Variants in OSBPL8 observed in about 807,000 individuals in gnomAD.
The protein encoded by OSBPL8 is oxysterol-binding protein-related protein 8.
Under a neutral mutation model 125.5 loss-of-function variants are expected in OSBPL8, and 59 were observed. The ratio of observed to expected loss-of-function variants is 0.47; its 90% CI spans 0.38 to 0.58. OSBPL8 has a LOEUF of 0.58. Ranked by LOEUF, OSBPL8 falls within the 20% of genes least tolerant of loss-of-function variation. The pLI is 0.00. For missense variants in OSBPL8, 758 were observed against 1,047.8 expected, an observed-to-expected ratio of 0.72 and a Z score of 3.82; for synonymous variants, 330 against 338.9, an observed-to-expected ratio of 0.97 and a Z score of 0.29.
At chr12:76,534,246 T>C (rs1950428529) in intron 1 of OSBPL8, 1 of 152,236 alleles carries the variant, frequency 6.6e-6, no homozygotes, top group African/African-American at 2.4e-5. Context: ...CAAATGTTCC[T>C]GCAAAAGACT....
intron 15 of OSBPL8, 82 bp from the exon 16 acceptor site, chr12:76,378,632 C>A: frequency 1.1e-6 from 1 of 929,208 alleles, no homozygotes; most frequent in Non-Finnish European, 1.7e-6. Flanking sequence ...AGAACACCTA[C>A]CAGACATCTA....
At chr12:76,431,768 T>C (rs1299201039) in intron 4 of OSBPL8, among the ~76,000 whole-genome samples, 1 of 152,046 alleles carries the variant, frequency 6.6e-6, no homozygotes, top group Non-Finnish European at 1.5e-5. Context: ...TGGAGAGATA[T>C]GAAGAAAGAA....
At chr12:76,418,583 C>A (rs368175228) in intron 4 of OSBPL8, among the ~76,000 whole-genome samples, 1 of 152,160 alleles carries the variant, frequency 6.6e-6, no homozygotes, top group Non-Finnish European at 1.5e-5. Context: ...GTAATCTCAG[C>A]GCTTCGGGAG....
intron 1 of OSBPL8, among the ~76,000 whole-genome samples, chr12:76,498,467 C>G (rs1454936423): frequency 6.6e-6 from 1 of 152,210 alleles, no homozygotes; most frequent in African/African-American, 2.4e-5. Context: ...ATGTTTGCAT[C>G]TGTACTTTCA....
intron 2 of OSBPL8, among the ~76,000 whole-genome samples, chr12:76,470,929 T>G (rs1876060633): frequency 6.6e-6 from 1 of 152,176 alleles, no homozygotes; most frequent in African/African-American, 2.4e-5. Flanking sequence ...GTATCACATA[T>G]TTTTCAATGT....
intron 4 of OSBPL8, among the ~76,000 whole-genome samples, chr12:76,429,657 T>G (rs1870577969): frequency 6.6e-6 from 1 of 152,168 alleles, no homozygotes; most frequent in Admixed American, 6.6e-5. Flanking sequence ...ATGTTCTCAA[T>G]AAATTCAAAC....
At chr12:76,558,413 T>C (rs1470422460) in intron 1 of OSBPL8, among the ~76,000 whole-genome samples, 2 of 152,202 alleles carry the variant, frequency 1.3e-5, no homozygotes, top group Non-Finnish European at 2.9e-5. Context: ...AGGCAAAAAC[T>C]GTTTTAAAGG....
chr12:76,537,169 T>C (rs1300450078), intron 1 of OSBPL8: 1 of 152,294 alleles, frequency 6.6e-6, no homozygotes, highest in African/African-American at 2.4e-5. Flanking sequence ...AAAGTCTGAT[T>C]TCTATAAATG....
chr12:76,444,099 A>G (rs1468753171), intron 4 of OSBPL8, among the ~76,000 whole-genome samples: 1 of 152,156 alleles, frequency 6.6e-6, no homozygotes, highest in Non-Finnish European at 1.5e-5. Flanking sequence ...CAATAGAACA[A>G]AACCAGAGTG....
At chr12:76,487,764 T>A (rs1410253461) in intron 1 of OSBPL8, 146 bp from the exon 2 acceptor site, 2 of 405,942 alleles carry the variant, frequency 4.9e-6, no homozygotes, top group Non-Finnish European at 8.6e-6. Flanking sequence ...GACATGGGCT[T>A]GAAGAATGGT....
chr12:76,467,443 G>T (rs999660462), intron 2 of OSBPL8, among the ~76,000 whole-genome samples: 2 of 152,056 alleles, frequency 1.3e-5, no homozygotes, highest in Non-Finnish European at 2.9e-5. Flanking sequence ...TTAATTTCTA[G>T]TTCTAAAATT....
Position 76,525,227 on chromosome 12 carries a change from G to A in OSBPL8, c.-68+34170C>T, listed in dbSNP as rs117067749. On this transcript the variant is annotated intron_variant, in intron 1 of 23. Coordinates refer to ENST00000261183, the MANE Select transcript of OSBPL8 (RefSeq NM_020841.5). ...TTTGAACATTTGCTGGATATTTTAT[G>A]TCATTAAGAAATTTTCCTGATATTT... Among the ~76,000 whole-genome samples the A allele has an allele frequency of 1.6e-3, 245 of 152,104 alleles. 1 individual carries two copies. The highest frequency in any genetic ancestry group is 2.6e-3 in the Non-Finnish European group (179 of 67,998).
chr12:76,554,876 C>G (rs1951049120), intron 1 of OSBPL8, among the ~76,000 whole-genome samples: 2 of 152,118 alleles, frequency 1.3e-5, no homozygotes, highest in Non-Finnish European at 2.9e-5. Flanking sequence ...AGGCTCAAGA[C>G]TCTTCTTAGT....
chr12:76,479,808 G>A (rs1240758703), intron 2 of OSBPL8, among the ~76,000 whole-genome samples: 1 of 152,082 alleles, frequency 6.6e-6, no homozygotes, highest in South Asian at 2.1e-4. Flanking sequence ...ATATCGGAGA[G>A]ATTTAAAAGA....
At chr12:76,551,967 G>A (rs1459794449) in intron 1 of OSBPL8, among the ~76,000 whole-genome samples, 1 of 151,908 alleles carries the variant, frequency 6.6e-6, no homozygotes, top group African/African-American at 2.4e-5. Flanking sequence ...GTAAATTTAG[G>A]GACTGTAGAA....
chr12:76,378,997 GACCTTGGGTGATCTGCCC>G (rs1034088078), intron 15 of OSBPL8, among the ~76,000 whole-genome samples: 23 of 152,162 alleles, frequency 1.5e-4, no homozygotes, highest in Admixed American at 8.5e-4. Context: ...TTTAACTCCT[GACCTTGGGTGATCTGCCC>G]ACCTTGGGTG....
chr12:76,501,110 CACAT>C (rs1384148413), intron 1 of OSBPL8, among the ~76,000 whole-genome samples: 3 of 152,076 alleles, frequency 2.0e-5, no homozygotes, highest in Admixed American at 6.5e-5. Flanking sequence ...CACACACACA[CACAT>C]AGACACATAT....
chr12:76,362,165 T>A (rs1952230951), intron 21 of OSBPL8, among the ~76,000 whole-genome samples: 1 of 152,042 alleles, frequency 6.6e-6, no homozygotes, highest in Non-Finnish European at 1.5e-5. Context: ...ATTTCTAGAG[T>A]AGGTTCAAAT....
At chr12:76,444,670 A>G (rs994449224) in intron 4 of OSBPL8, among the ~76,000 whole-genome samples, 8 of 152,200 alleles carry the variant, frequency 5.3e-5, no homozygotes, top group African/African-American at 1.9e-4. Flanking sequence ...TATGCTCTCA[A>G]TTGCTGGTTT....
Sources: allele counts gnomAD v4.1 joint callset (sites outside exome capture counted in the v4.1 genomes callset), GRCh38; gene constraint gnomAD v4.1.1; transcripts MANE v1.5; gene names NCBI Gene and HGNC (gene_info 2026-07-23, HGNC 2026-07-21).